Variants in ANKRD42 observed in about 807,000 individuals in gnomAD.
The protein encoded by ANKRD42 is ankyrin repeat domain-containing protein 42.
A neutral mutation model predicts 51.5 loss-of-function variants in ANKRD42; 43 were observed. The ratio of observed to expected loss-of-function variants is 0.83; its 90% confidence interval spans 0.65 to 1.08. The LOEUF is 1.08. Among genes scored for constraint, ANKRD42 ranks in the 50% least tolerant of loss-of-function variants. The pLI, the probability that ANKRD42 is intolerant of heterozygous loss-of-function variation, is 0.00. For missense variants in ANKRD42, 608 were observed against 629.3 expected, an observed-to-expected ratio of 0.97 and a Z score of 0.36; for synonymous variants, 203 against 213.0, an observed-to-expected ratio of 0.95 and a Z score of 0.41.
chr11:83,218,142 A>C (rs1469637556), intron 5 of ANKRD42, among the ~76,000 whole-genome samples: 5 of 152,204 alleles, frequency 3.3e-5, no homozygotes, highest in African/African-American at 1.2e-4. Flanking sequence ...GCTTTTCTAG[A>C]AAAGCAGAGG....
downstream of ANKRD42, chr11:83,257,500 A>C: frequency 2.8e-6 from 1 of 356,996 alleles, no homozygotes; most frequent in South Asian, 2.1e-5. Context: ...ATTTGTGCCA[A>C]GCCCTTAACT....
At chr11:83,256,390 A>C (rs921372571), downstream of ANKRD42, among the ~76,000 whole-genome samples, 2 of 152,184 alleles carry the variant, frequency 1.3e-5, no homozygotes, top group Non-Finnish European at 2.9e-5. Flanking sequence ...CAAGCTTTTT[A>C]AGAATATAGA....
intron 11 of ANKRD42, among the ~76,000 whole-genome samples, chr11:83,254,578 T>A (rs1393579354): frequency 3.3e-5 from 5 of 151,934 alleles, no homozygotes; most frequent in African/African-American, 1.2e-4. Flanking sequence ...ATTACAAGTG[T>A]GCAGGACAAG....
Position 83,248,366 on chromosome 11 carries a change from A to G in ANKRD42, c.*162A>G. On this transcript the variant is annotated 3_prime_UTR_variant, in exon 11 of 11. Transcript: ENST00000533342. ...TATGTAACTATAACTTTCTAGATAC[A>G]TACACACATCTGTCTATCTATCTTC... 7.5e-7 allele frequency: 1 copy of G among 1,341,134 alleles called. No individual in the cohort carries two copies. The highest frequency in any genetic ancestry group is 9.5e-7 in the Non-Finnish European group (1 of 1,053,870). 83.1% of individuals were successfully genotyped at this position (1,341,134 alleles called of 1,614,324 possible). A position where few individuals can be genotyped will look rare whatever the true frequency, so the allele number is the denominator to read the frequency against.
At position 83,194,389 on chromosome 11, in the gene ANKRD42, G is replaced by T; in HGVS notation, c.-282G>T. On this transcript the variant is annotated 5_prime_UTR_variant, in exon 1 of 11. Coordinates refer to ENST00000533342, the MANE Select transcript of ANKRD42 (RefSeq NM_001300975.2). ...CAGCGTTGGTAGTTCTTGGGAGGAA[G>T]TAAGTGGAGACCGCGGCTACGCAGC... The T allele has an allele frequency of 1.5e-6, 1 of 651,298 alleles. No individual in the cohort carries two copies. Among genetic ancestry groups the T allele is most frequent in the Non-Finnish European group, 2.8e-6 (1 of 352,562 alleles). The allele number at this position is 651,298 out of a possible 1,614,324, so 40.3% of individuals were successfully genotyped here. A position where few individuals can be genotyped will look rare whatever the true frequency, so the allele number is the denominator to read the frequency against.
chr11:83,210,833 T>C (rs537605397), intron 4 of ANKRD42, among the ~76,000 whole-genome samples: 2 of 152,380 alleles, frequency 1.3e-5, no homozygotes, highest in South Asian at 2.1e-4. Context: ...TTTATTGCAA[T>C]ATTTAATTTT....
intron 2 of ANKRD42, among the ~76,000 whole-genome samples, chr11:83,199,721 A>G (rs1053605817): frequency 2.0e-5 from 3 of 152,162 alleles, no homozygotes; most frequent in African/African-American, 7.2e-5. Flanking sequence ...TCTGTTGACA[A>G]TGCATTGTCT....
chr11:83,195,636 C>T (rs1248537897), intron 1 of ANKRD42, among the ~76,000 whole-genome samples: 1 of 152,194 alleles, frequency 6.6e-6, no homozygotes, highest in Non-Finnish European at 1.5e-5. Context: ...CCACAGCACT[C>T]AGATGATAAA....
chr11:83,214,180 C>T (rs780927000), intron 5 of ANKRD42: 29 of 155,372 alleles, frequency 1.9e-4, no homozygotes, highest in Non-Finnish European at 4.1e-4. Context: ...TGAGCCACCG[C>T]GCTTGGCCAG....
intron 5 of ANKRD42, among the ~76,000 whole-genome samples, chr11:83,222,428 C>G (rs2135523654): frequency 6.6e-6 from 1 of 152,044 alleles, no homozygotes; most frequent in Middle Eastern, 3.4e-3. Context: ...AATAAATGAG[C>G]AAAATATATA....
At chr11:83,198,950 T>A (rs1861765474) in intron 2 of ANKRD42, among the ~76,000 whole-genome samples, 1 of 152,196 alleles carries the variant, frequency 6.6e-6, no homozygotes, top group Non-Finnish European at 1.5e-5. Flanking sequence ...TGGGGCTAGA[T>A]TCTTCTGAAG....
intron 9 of ANKRD42, among the ~76,000 whole-genome samples, chr11:83,244,803 G>A (rs1435301785): frequency 6.6e-6 from 1 of 152,182 alleles, no homozygotes; most frequent in African/African-American, 2.4e-5. Context: ...CACAAAATTT[G>A]TGGCTGGTAC....
intron 5 of ANKRD42, among the ~76,000 whole-genome samples, chr11:83,223,899 C>T (rs935669631): frequency 1.3e-5 from 2 of 150,058 alleles, no homozygotes; most frequent in African/African-American, 4.9e-5. Flanking sequence ...CTGTCTTGGT[C>T]TTTGTAATCA....
rs548847523 is a variant in ANKRD42 at position 83,241,432 on chromosome 11, A to G, written c.1195+498A>G. On this transcript the variant is annotated intron_variant, in intron 9 of 10. Transcript: ENST00000533342. ...AAAGTAAATAGAGTAGAGTGGTGCT[A>G]TAGATAAGAAAGTCATTAGGCCTCT... Among the ~76,000 whole-genome samples, 149 of 152,324 alleles carry G rather than the reference A, an allele frequency of 9.8e-4. 2 individuals are homozygous for G. The Middle Eastern group carries it at 0.017, about 17-fold the overall frequency.
At chr11:83,228,229 CTCTTTTTTT>C (rs1565190219) in intron 7 of ANKRD42, among the ~76,000 whole-genome samples, 23 of 41,108 alleles carry the variant, frequency 5.6e-4, no homozygotes, top group African/African-American at 3.2e-3. Context: ...CCCTCTCTCT[CTCTTTTTTT>C]TTTTTTTTTT....
chr11:83,221,928 A>C (rs1053219885), intron 5 of ANKRD42, among the ~76,000 whole-genome samples: 1 of 152,144 alleles, frequency 6.6e-6, no homozygotes, highest in Non-Finnish European at 1.5e-5. Flanking sequence ...CTGTGGCTTG[A>C]GATAGGGACA....
Position 83,213,525 on chromosome 11 carries a change from A to T in ANKRD42, c.586+2095A>T, listed in dbSNP as rs544442119. 4 of 1,293,390 alleles carry T rather than the reference A, an allele frequency of 3.1e-6. No individual in the cohort carries two copies. In the East Asian group the frequency reaches 1.1e-4, roughly 34 times the overall value. 80.1% of individuals were successfully genotyped at this position (1,293,390 alleles called of 1,614,324 possible). On this transcript the variant is annotated intron_variant, in intron 5 of 10. Coordinates refer to ENST00000533342, the MANE Select transcript of ANKRD42 (RefSeq NM_001300975.2). ...CCTTCGCTTTTTCAGACTGCTTTCAATTTCCATTTTCACATATGGTATTAT... is the reference window on the plus strand; with the variant it reads ...CCTTCGCTTTTTCAGACTGCTTTCATTTTCCATTTTCACATATGGTATTAT...
At chr11:83,200,143 T>C (rs1861812633) in intron 2 of ANKRD42, among the ~76,000 whole-genome samples, 1 of 152,134 alleles carries the variant, frequency 6.6e-6, no homozygotes, top group Non-Finnish European at 1.5e-5. Flanking sequence ...TACTCTGCCA[T>C]ATTCTAATAG....
chr11:83,211,271 A>C, intron 4 of ANKRD42, 24 bp from the exon 5 acceptor site: 2 of 1,613,850 alleles, frequency 1.2e-6, no homozygotes, highest in East Asian at 4.5e-5. Flanking sequence ...GGAGAAACTA[A>C]GTCCTTGTGA....
Sources: gnomAD v4.1 joint callset for allele counts (sites outside exome capture counted in the v4.1 genomes callset) on GRCh38, gnomAD v4.1.1 for gene constraint, MANE v1.5 for transcripts, NCBI Gene and HGNC (gene_info 2026-07-23, HGNC 2026-07-21) for gene names.